LDB2: variants seen among roughly 807,000 people sequenced by gnomAD.
The protein encoded by LDB2 is LIM domain-binding protein 2.
LDB2 carries 12 observed loss-of-function variants against 44.3 expected under a neutral mutation model. The ratio of observed to expected loss-of-function variants is 0.27; its 90% CI spans 0.17 to 0.44. LDB2 has a LOEUF of 0.44. LDB2 is among the 20% of genes least tolerant of loss of function. LDB2 has a pLI of 1.00. For synonymous variants in LDB2, 164 were observed against 174.8 expected (o/e 0.94, Z 0.49); for missense variants, 344 against 473.5 (o/e 0.73, Z 2.54).
chr4:16,619,931 T>C (rs970318697), intron 2 of LDB2, among the ~76,000 whole-genome samples: 2 of 152,136 alleles, frequency 1.3e-5, no homozygotes. Flanking sequence ...GATAAAACAT[T>C]ATGAATAACC....
chr4:16,633,833 G>A (rs10027714), intron 2 of LDB2, among the ~76,000 whole-genome samples: 56,543 of 152,018 alleles, frequency 0.37, 10,743 homozygotes, highest in East Asian at 0.56. Flanking sequence ...GAACAAAGCC[G>A]GAGGCATCAT....
At chr4:16,890,914 T>TGA (rs974499287) in intron 1 of LDB2, among the ~76,000 whole-genome samples, 4 of 152,212 alleles carry the variant, frequency 2.6e-5, no homozygotes, top group African/African-American at 7.2e-5. Context: ...GTGGGGAGAC[T>TGA]GACTTCCTCT....
chr4:16,800,278 A>T (rs1170497886), intron 1 of LDB2, among the ~76,000 whole-genome samples: 2 of 152,236 alleles, frequency 1.3e-5, no homozygotes, highest in Non-Finnish European at 2.9e-5. Flanking sequence ...ATAATAATGT[A>T]AATAATTCTT....
intron 1 of LDB2, among the ~76,000 whole-genome samples, chr4:16,865,697 C>T (rs1714459325): frequency 6.6e-6 from 1 of 152,208 alleles, no homozygotes; most frequent in Non-Finnish European, 1.5e-5. Context: ...CAGCTCTTTG[C>T]ACGTGGCTGT....
chr4:16,502,016 T>C lies in LDB2; in HGVS notation c.*627A>G, dbSNP rs1717638029. On this transcript the variant is annotated 3_prime_UTR_variant, in exon 8 of 8. Transcript: ENST00000304523. ...TTCTTGTTTCAGCACTTGGGCTAAA[T>C]TGAGTCGACTCAAGACAAGAACCAA... is the stretch of plus-strand genomic sequence containing the variant. 1 of 152,540 alleles carries C rather than the reference T, an allele frequency of 6.6e-6. No individual in the cohort carries two copies. Among genetic ancestry groups the C allele is most frequent in the South Asian group, 2.1e-4 (1 of 4,820 alleles). The allele number at this position is 152,540 out of a possible 1,614,324, so 9.4% of individuals were successfully genotyped here.
intron 5 of LDB2, among the ~76,000 whole-genome samples, chr4:16,561,020 C>A (rs1202416694): frequency 6.6e-6 from 1 of 152,166 alleles, no homozygotes. Flanking sequence ...TTCAACAACC[C>A]TTCATGCTAA....
chr4:16,724,493 C>T (rs1274562849), intron 2 of LDB2, among the ~76,000 whole-genome samples: 2 of 151,934 alleles, frequency 1.3e-5, no homozygotes, highest in African/African-American at 2.4e-5. Context: ...AAGGCAGAAA[C>T]ATGCTTGTTG....
At chr4:16,600,434 T>C (rs1722270181) in intron 2 of LDB2, among the ~76,000 whole-genome samples, 1 of 152,134 alleles carries the variant, frequency 6.6e-6, no homozygotes, top group South Asian at 2.1e-4. Flanking sequence ...TTGGGAAGTG[T>C]GGAGAGCCAG....
chr4:16,552,624 A>C (rs1003638556), intron 5 of LDB2, among the ~76,000 whole-genome samples: 2 of 152,162 alleles, frequency 1.3e-5, no homozygotes, highest in East Asian at 3.9e-4. Flanking sequence ...TGTTTTTAAG[A>C]TGATGATTTC....
At chr4:16,841,457 G>T (rs991445143) in intron 1 of LDB2, among the ~76,000 whole-genome samples, 1 of 152,164 alleles carries the variant, frequency 6.6e-6, no homozygotes, top group African/African-American at 2.4e-5. Flanking sequence ...TATATTATAT[G>T]TGCACTTAGT....
chr4:16,636,426 T>C (rs974691252), intron 2 of LDB2, among the ~76,000 whole-genome samples: 1 of 152,222 alleles, frequency 6.6e-6, no homozygotes, highest in Non-Finnish European at 1.5e-5. Flanking sequence ...TAACAGGCAG[T>C]AGGCCCACGG....
rs376891699 is a variant in LDB2 at position 16,843,254 on chromosome 4, G to A, written c.132+55100C>T. On this transcript the variant is annotated intron_variant, in intron 1 of 7. Coordinates refer to ENST00000304523, the MANE Select transcript of LDB2 (RefSeq NM_001290.5). ...TTTCAATTTTAGTGTTAAAAATAAC[G>A]TTATAATACATGTCTTTGGAAAGTT... 1.1e-4 allele frequency among the ~76,000 whole-genome samples: 17 copies of A among 152,184 alleles called. No individual in the cohort carries two copies. The East Asian group carries it at 1.9e-3, about 17-fold the overall frequency.
At position 16,610,347 on chromosome 4, in the gene LDB2, C is replaced by A. The variant is rs114068520; in HGVS notation, c.236-14472G>T. Among the ~76,000 whole-genome samples the A allele has an allele frequency of 8.8e-3, 1,344 of 152,132 alleles. 15 individuals are homozygous for A. Among genetic ancestry groups the A allele is most frequent in the South Asian group, 0.024 (118 of 4,824 alleles). ...ACATCTCTCCATCAAGGGTGCAGAA[C>A]GGGGCAGAGGATCAGATGGATGAAT... On this transcript the variant is annotated intron_variant, in intron 2 of 7. Coordinates refer to ENST00000304523, the MANE Select transcript of LDB2 (RefSeq NM_001290.5).
chr4:16,810,203 C>T (rs555146516), intron 1 of LDB2, among the ~76,000 whole-genome samples: 7 of 152,236 alleles, frequency 4.6e-5, no homozygotes, highest in South Asian at 4.1e-4. Flanking sequence ...AGTCCAGTCA[C>T]GGTGCACAAG....
chr4:16,719,468 T>C (rs190559596), intron 2 of LDB2, among the ~76,000 whole-genome samples: 35 of 152,228 alleles, frequency 2.3e-4, no homozygotes, highest in African/African-American at 8.2e-4. Flanking sequence ...GAAGGCCTTC[T>C]GTAGCATCAA....
chr4:16,725,948 A>G (rs971060985), intron 2 of LDB2, among the ~76,000 whole-genome samples: 1 of 148,548 alleles, frequency 6.7e-6, no homozygotes, highest in African/African-American at 2.4e-5. Context: ...CATTATATGT[A>G]TATATCATAT....
chr4:16,549,917 C>T (rs570720875), intron 5 of LDB2, among the ~76,000 whole-genome samples: 2 of 152,150 alleles, frequency 1.3e-5, no homozygotes, highest in Non-Finnish European at 2.9e-5. Context: ...CTGAAGGCAA[C>T]CAAAAATTCA....
At chr4:16,757,108 C>T (rs946914921) in intron 2 of LDB2, among the ~76,000 whole-genome samples, 7 of 152,182 alleles carry the variant, frequency 4.6e-5, no homozygotes, top group African/African-American at 1.7e-4. Flanking sequence ...GCACAGCATG[C>T]CTGGACCTCG....
intron 2 of LDB2, among the ~76,000 whole-genome samples, chr4:16,690,149 A>C (rs1750279367): frequency 6.6e-6 from 1 of 152,254 alleles, no homozygotes. Context: ...CTCATGGGGA[A>C]GTTTATCACA....
Sources: allele counts gnomAD v4.1 joint callset (sites outside exome capture counted in the v4.1 genomes callset), GRCh38; gene constraint gnomAD v4.1.1; transcripts MANE v1.5; gene names NCBI Gene and HGNC (gene_info 2026-07-23, HGNC 2026-07-21).